Variants in EZR observed in about 807,000 individuals in gnomAD.
EZR encodes the protein cytovillin 2.
Under a neutral mutation model 74.8 loss-of-function variants are expected in EZR, and 40 were observed. The ratio of observed to expected loss-of-function variants is 0.53; its 90% CI spans 0.42 to 0.70. EZR has a LOEUF of 0.70. Among genes scored for constraint, EZR ranks in the 30% least tolerant of loss-of-function variants. The probability of loss-of-function intolerance (pLI) is 0.00; values close to 1 mark genes in which losing one functional copy is unlikely to be tolerated. For synonymous variants in EZR, 341 were observed against 283.3 expected (o/e 1.20, Z -2.05); for missense variants, 678 against 755.8 (o/e 0.90, Z 1.21).
Position 158,767,388 on chromosome 6 carries a change from T to C in EZR, c.1469A>G (p.Gln490Arg). The change falls in exon 13 of 14, where the codon CAG becomes CGG. Residue 490 changes from glutamine to arginine, a missense_variant. Gln to Arg is a conservative substitution (Grantham distance 43). This residue lies in a region of EZR where 342 missense variants were observed against 341.2 expected (regional missense o/e 1.00). Transcript: ENST00000367075. ...GCCCGTGGGCTCTGCGCCCTCATCCTGCAAGCTCTCCTGGACATGGTAGCT... is the reference window on the plus strand; with the variant it reads ...GCCCGTGGGCTCTGCGCCCTCATCCCGCAAGCTCTCCTGGACATGGTAGCT... Reference protein sequence around the residue: ...PVSYHVQESLQDEGAEPTGYS... With the variant: ...PVSYHVQESLRDEGAEPTGYS... The C allele has an allele frequency of 6.2e-7, 1 of 1,612,870 alleles. No homozygotes were observed. Among genetic ancestry groups the C allele is most frequent in the Non-Finnish European group, 8.5e-7 (1 of 1,179,742 alleles).
chr6:158,813,605 A>AG (rs1473677543), intron 2 of EZR, among the ~76,000 whole-genome samples: 5 of 152,230 alleles, frequency 3.3e-5, no homozygotes, highest in African/African-American at 1.2e-4. Flanking sequence ...GGGGATTGTG[A>AG]GGGGGGAGTA....
intron 8 of EZR, among the ~76,000 whole-genome samples, chr6:158,775,375 A>G (rs1229049130): frequency 6.6e-6 from 1 of 152,192 alleles, no homozygotes; most frequent in African/African-American, 2.4e-5. Flanking sequence ...CAAAATTGTC[A>G]AGACCTGCTG....
intron 2 of EZR, among the ~76,000 whole-genome samples, chr6:158,790,474 A>T (rs1269406309): frequency 6.6e-6 from 1 of 152,268 alleles, no homozygotes; most frequent in Non-Finnish European, 1.5e-5. Flanking sequence ...CAGGAGTTCA[A>T]GACCAGCCTG....
chr6:158,803,537 A>T (rs1453458809), intron 2 of EZR, among the ~76,000 whole-genome samples: 1 of 4,958 alleles, frequency 2.0e-4, no homozygotes, highest in African/African-American at 5.5e-4. Flanking sequence ...TTATATATAT[A>T]TATATATGTA....
At chr6:158,779,162 G>A (rs1439631007) in intron 7 of EZR, among the ~76,000 whole-genome samples, 1 of 152,130 alleles carries the variant, frequency 6.6e-6, no homozygotes, top group Admixed American at 6.5e-5. Context: ...AAGAGGTCCT[G>A]GAAGGGCAAA....
At chr6:158,767,553 GTCCTA>G (rs974516364) in intron 12 of EZR, 41 bp from the exon 13 acceptor site, 1 of 1,537,926 alleles carries the variant, frequency 6.5e-7, no homozygotes, top group African/African-American at 1.4e-5. Context: ...TCACCCAGAA[GTCCTA>G]TCCTCCTGGC....
At chr6:158,812,787 A>AC (rs1236524283) in intron 2 of EZR, among the ~76,000 whole-genome samples, 1 of 152,082 alleles carries the variant, frequency 6.6e-6, no homozygotes, top group Non-Finnish European at 1.5e-5. Flanking sequence ...CAGCGATGGC[A>AC]CCACCACACA....
intron 5 of EZR, 91 bp downstream of exon 5, chr6:158,785,218 G>A: frequency 6.6e-7 from 1 of 1,507,852 alleles, no homozygotes; most frequent in Non-Finnish European, 9.0e-7. Flanking sequence ...CGAAGTCCTT[G>A]TGTTTTTAAA....
At chr6:158,792,034 T>C (rs1791762679) in intron 2 of EZR, among the ~76,000 whole-genome samples, 1 of 151,908 alleles carries the variant, frequency 6.6e-6, no homozygotes, top group South Asian at 2.1e-4. Context: ...AACCTGAGTC[T>C]CTTCTAAGTT....
At chr6:158,796,469 C>G (rs1459177571) in intron 2 of EZR, among the ~76,000 whole-genome samples, 1 of 152,268 alleles carries the variant, frequency 6.6e-6, no homozygotes, top group Non-Finnish European at 1.5e-5. Context: ...GTTCCTCTCC[C>G]TTGCTGCTGA....
At chr6:158,772,431 G>A (rs1791140406) in intron 8 of EZR, among the ~76,000 whole-genome samples, 1 of 152,234 alleles carries the variant, frequency 6.6e-6, no homozygotes, top group South Asian at 2.1e-4. Context: ...ATTAGATGCT[G>A]GCGTCCCCGC....
At chr6:158,811,062 C>G (rs3123134) in intron 2 of EZR, among the ~76,000 whole-genome samples, 80,103 of 152,022 alleles carry the variant, frequency 0.53, 22,020 homozygotes, top group Non-Finnish European at 0.61. Context: ...AGTCAAAAGT[C>G]TCTAAGTCAC....
chr6:158,767,336 G>A lies in EZR; in HGVS notation c.1521C>T (p.Gly507=). The A allele has an allele frequency of 6.2e-7, 1 of 1,614,020 alleles. No homozygotes were observed. Among genetic ancestry groups the A allele is most frequent in the Non-Finnish European group, 8.5e-7 (1 of 1,180,028 alleles). The change falls in exon 13 of 14, where the codon GGC becomes GGT. Residue 507 remains glycine (G), a synonymous_variant. Transcript: ENST00000367075. The stretch of plus-strand genomic sequence containing the variant: ...TCTCCTCATTGCGGTCATCCCGGAT[G>A]CCCTCACTAGACAGCTCCGCGCTGT... ...TGYSAELSSE[G]IRDDRNEEKR... is the part of the protein sequence containing the mutation.
Position 158,770,893 on chromosome 6 carries a change from G to A in EZR, c.961C>T (p.Gln321Ter). The change falls in exon 10 of 14, where the codon CAA (glutamine) becomes TAA (stop). Residue 321 changes from glutamine (Q) to a stop codon, truncating the protein, a stop_gained and splice_region_variant. Coordinates refer to ENST00000367075, the MANE Select transcript of EZR (RefSeq NM_001111077.2). LOFTEE classifies it high-confidence loss of function. ...EEKHQKQLER[Q>*]QLETEKKRRE... ...CTTTTCTTCTCTGTTTCCAGCTGTT[G>A]CCTGGTGCAGGGAAAAAGAGGCACA... is the stretch of plus-strand genomic sequence containing the variant. The A allele has an allele frequency of 1.9e-6, 3 of 1,614,168 alleles. No individual in the cohort carries two copies. The highest frequency in any genetic ancestry group is 2.5e-6 in the Non-Finnish European group (3 of 1,180,032).
chr6:158,817,698 C>T (rs1286084541), intron 2 of EZR, among the ~76,000 whole-genome samples: 1 of 152,148 alleles, frequency 6.6e-6, no homozygotes, highest in Non-Finnish European at 1.5e-5. Context: ...GCTCTGAGAA[C>T]TGGTGTGTGT....
chr6:158,767,709 C>CT (rs1790942643), intron 12 of EZR, among the ~76,000 whole-genome samples, 197 bp from the exon 13 acceptor site: 1 of 152,126 alleles, frequency 6.6e-6, no homozygotes. Context: ...GGAAGAGGAA[C>CT]TGTGATGCCG....
intron 2 of EZR, among the ~76,000 whole-genome samples, chr6:158,803,556 TATATATATATATATATATATATATAC>T (rs1777243091): frequency 6.0e-4 from 2 of 3,354 alleles, no homozygotes; most frequent in Non-Finnish European, 5.9e-4. Context: ...TATATATATA[TATATATATATATATATATATATATAC>T]ATATATATAT....
At chr6:158,808,756 G>C (rs770850379) in intron 2 of EZR, among the ~76,000 whole-genome samples, 1 of 152,148 alleles carries the variant, frequency 6.6e-6, no homozygotes, top group South Asian at 2.1e-4. Context: ...CTATTTGCTC[G>C]TCCTTCTTCC....
chr6:158,784,771 G>T, intron 5 of EZR, 44 bp from the exon 6 acceptor site: 1 of 1,569,016 alleles, frequency 6.4e-7, no homozygotes, highest in Non-Finnish European at 8.8e-7. Flanking sequence ...TAAGGAATGT[G>T]ACAGGCAAGG....
Sources: gnomAD v4.1 joint callset for allele counts (sites outside exome capture counted in the v4.1 genomes callset) on GRCh38, gnomAD v4.1.1 for gene constraint, gnomAD v4.1.1 regional missense constraint, MANE v1.5 for transcripts, NCBI Gene and HGNC (gene_info 2026-07-23, HGNC 2026-07-21) for gene names.